Variants in ZDHHC15 observed in about 807,000 individuals in gnomAD.
ZDHHC15 encodes the protein zDHHC palmitoyltransferase 15.
A neutral mutation model predicts 31.7 loss-of-function variants in ZDHHC15; 19 were observed. The ratio of observed to expected loss-of-function variants is 0.60; its 90% CI spans 0.42 to 0.88. The LOEUF (loss-of-function observed/expected upper bound fraction) is 0.88. Among genes scored for constraint, ZDHHC15 ranks in the 40% least tolerant of loss-of-function variants. The pLI is 0.00. For synonymous variants in ZDHHC15, 103 were observed against 90.0 expected (o/e 1.14, Z -0.82); for missense variants, 209 against 251.2 (o/e 0.83, Z 1.14).
intron 3 of ZDHHC15, among the ~76,000 whole-genome samples, chrX:75,455,390 T>G (rs1003950031): frequency 1.1e-4 from 12 of 111,809 alleles, no homozygotes; most frequent in Non-Finnish European, 1.9e-4. Context: ...AAGACTTAAA[T>G]GTTAGACCTA....
At chrX:75,495,353 C>T (rs2084975436) in intron 2 of ZDHHC15, among the ~76,000 whole-genome samples, 1 of 111,633 alleles carries the variant, frequency 9.0e-6, no homozygotes, top group East Asian at 2.8e-4. Context: ...CTAGTTCACC[C>T]ATTGTGGAGG....
chrX:75,415,468 T>C lies in ZDHHC15; in HGVS notation c.967+1619A>G, dbSNP rs186758988. 2.4e-3 allele frequency among the ~76,000 whole-genome samples: 265 copies of C among 112,169 alleles called. 2 individuals carry two copies. Among genetic ancestry groups the C allele is most frequent in the East Asian group, 0.02 (72 of 3,550 alleles). On this transcript the variant is annotated intron_variant, in intron 10 of 11. Transcript: ENST00000373367. Reference sequence around the variant, plus strand: ...GATTTTATGATTATGTAAGAAGCAGTTGAATGCTTCAGATCACTAAATGGC... The same window carrying C: ...GATTTTATGATTATGTAAGAAGCAGCTGAATGCTTCAGATCACTAAATGGC...
intron 7 of ZDHHC15, among the ~76,000 whole-genome samples, chrX:75,426,163 G>A (rs1395279805): frequency 1.8e-5 from 2 of 112,226 alleles, no homozygotes; most frequent in Non-Finnish European, 3.8e-5. Flanking sequence ...GCTTTGCAGT[G>A]GGTTTTGCCT....
chrX:75,451,179 T>A (rs1203936354), intron 3 of ZDHHC15, among the ~76,000 whole-genome samples: 5 of 112,034 alleles, frequency 4.5e-5, no homozygotes, highest in African/African-American at 1.6e-4. Flanking sequence ...AAAGTTGGAC[T>A]CAATCAACTA....
intron 10 of ZDHHC15, among the ~76,000 whole-genome samples, chrX:75,405,703 GCAATAAAATAA>G (rs1569313247): frequency 9.0e-6 from 1 of 111,287 alleles, no homozygotes; most frequent in African/African-American, 3.3e-5. Context: ...GAGATAGACT[GCAATAAAATAA>G]CAGTAGGGCA....
Position 75,474,779 on chromosome X carries a change from C to T in ZDHHC15, c.258+4112G>A, listed in dbSNP as rs558414183. On this transcript the variant is annotated intron_variant, in intron 3 of 11. Transcript: ENST00000373367. Reference sequence around the variant, plus strand: ...TTTTTTAAAAATAAAATGAGTTGGCCGGGCGCGGTGGCTCATGCCTGTAAT... The same window carrying T: ...TTTTTTAAAAATAAAATGAGTTGGCTGGGCGCGGTGGCTCATGCCTGTAAT... Among the ~76,000 whole-genome samples the T allele has an allele frequency of 7.1e-4, 78 of 110,198 alleles. 1 individual carries two copies. The South Asian group carries it at 0.028, about 40-fold the overall frequency.
intron 1 of ZDHHC15, among the ~76,000 whole-genome samples, chrX:75,515,673 C>G (rs901000094): frequency 9.0e-6 from 1 of 111,719 alleles, no homozygotes; most frequent in Non-Finnish European, 1.9e-5. Flanking sequence ...AAAACTGGCA[C>G]AAGACAGGGA....
chrX:75,410,511 C>G (rs747505856), intron 10 of ZDHHC15, among the ~76,000 whole-genome samples: 119 of 112,195 alleles, frequency 1.1e-3, no homozygotes, highest in Non-Finnish European at 1.9e-3. Flanking sequence ...TGCTCAACAT[C>G]ACCAATCTTC....
At chrX:75,383,281 T>C (rs1339597018) in intron 10 of ZDHHC15, among the ~76,000 whole-genome samples, 2 of 112,502 alleles carry the variant, frequency 1.8e-5, no homozygotes, top group African/African-American at 6.5e-5. Flanking sequence ...GTTGCACACT[T>C]TGAAATAATC....
chrX:75,498,872 C>T (rs1216962493), intron 2 of ZDHHC15, among the ~76,000 whole-genome samples: 3 of 111,546 alleles, frequency 2.7e-5, no homozygotes, highest in Non-Finnish European at 5.7e-5. Flanking sequence ...TCACATTACC[C>T]AATTTCTAAA....
At chrX:75,498,837 T>C (rs2085048325) in intron 2 of ZDHHC15, among the ~76,000 whole-genome samples, 1 of 111,682 alleles carries the variant, frequency 9.0e-6, no homozygotes, top group Non-Finnish European at 1.9e-5. Flanking sequence ...AGAAAGGCTA[T>C]GCAAAAAGAA....
intron 2 of ZDHHC15, among the ~76,000 whole-genome samples, chrX:75,489,373 G>A (rs1293578192): frequency 6.3e-5 from 7 of 111,389 alleles, no homozygotes; most frequent in African/African-American, 2.0e-4. Context: ...GACATGGCAG[G>A]GCACTCCTAT....
At chrX:75,388,679 C>T (rs1306972911) in intron 10 of ZDHHC15, among the ~76,000 whole-genome samples, 2 of 111,284 alleles carry the variant, frequency 1.8e-5, no homozygotes, top group African/African-American at 6.5e-5. Flanking sequence ...AGAGGAGCTG[C>T]AAAACAACCA....
chrX:75,437,807 T>C (rs1401552728), intron 4 of ZDHHC15, among the ~76,000 whole-genome samples: 1 of 110,748 alleles, frequency 9.0e-6, no homozygotes, highest in African/African-American at 3.3e-5. Context: ...TACCCAGTAA[T>C]GGGATGGCTG....
At chrX:75,516,004 A>C (rs2085350494) in intron 1 of ZDHHC15, among the ~76,000 whole-genome samples, 1 of 111,477 alleles carries the variant, frequency 9.0e-6, no homozygotes, top group Admixed American at 9.5e-5. Context: ...AGAGAATAAA[A>C]TACCTAGGAA....
At chrX:75,477,050 T>G (rs1328444214) in intron 3 of ZDHHC15, among the ~76,000 whole-genome samples, 2 of 111,490 alleles carry the variant, frequency 1.8e-5, no homozygotes, top group Non-Finnish European at 3.8e-5. Context: ...CTTTATTGCA[T>G]CCCCTAATTT....
intron 2 of ZDHHC15, among the ~76,000 whole-genome samples, chrX:75,495,233 A>C (rs914696693): frequency 7.1e-5 from 8 of 112,166 alleles, no homozygotes; most frequent in African/African-American, 2.6e-4. Flanking sequence ...ACAATGAGAT[A>C]CTATCTCACA....
intron 7 of ZDHHC15, among the ~76,000 whole-genome samples, chrX:75,426,466 G>T (rs757419739): frequency 4.6e-5 from 5 of 109,029 alleles, no homozygotes; most frequent in African/African-American, 1.7e-4. Context: ...TTAGAAGAGG[G>T]TGATAGCCCT....
At chrX:75,420,405 C>T (rs778786626) in intron 9 of ZDHHC15, among the ~76,000 whole-genome samples, 5 of 111,204 alleles carry the variant, frequency 4.5e-5, no homozygotes, top group Non-Finnish European at 5.7e-5. Flanking sequence ...GGCAATTCCT[C>T]GAGGATCTAG....
Sources: gnomAD v4.1 joint callset for allele counts (sites outside exome capture counted in the v4.1 genomes callset) on GRCh38, gnomAD v4.1.1 for gene constraint, MANE v1.5 for transcripts, NCBI Gene and HGNC (gene_info 2026-07-23, HGNC 2026-07-21) for gene names.